Variants in TMEM87B observed in about 807,000 individuals in gnomAD.
TMEM87B encodes the protein transmembrane protein 87B.
In TMEM87B, 83 loss-of-function variants were observed where a neutral mutation model predicts 80.3. The ratio of observed to expected loss-of-function variants is 1.03; its 90% CI spans 0.87 to 1.24. The LOEUF (loss-of-function observed/expected upper bound fraction) is 1.24, where lower values mean the gene tolerates loss of function less well. Ranked by LOEUF, TMEM87B falls within the 50% of genes most tolerant of loss-of-function variation. TMEM87B has a pLI of 0.00. For missense variants in TMEM87B, 625 were observed against 674.4 expected, an observed-to-expected ratio of 0.93 and a Z score of 0.81; for synonymous variants, 219 against 230.5, an observed-to-expected ratio of 0.95 and a Z score of 0.45.
At position 112,100,111 on chromosome 2, in the gene TMEM87B, G is replaced by A. The variant is rs140307097; in HGVS notation, c.1377-511G>A. 3.5e-3 allele frequency among the ~76,000 whole-genome samples: 538 copies of A among 152,220 alleles called. 2 individuals carry two copies. The highest frequency in any genetic ancestry group is 0.013 in the African/African-American group (521 of 41,534). Reference sequence around the variant, plus strand: ...ACATCATCTTGGCAAACTTTTGTTAGTGTAATGTAAGGTAAATGAATTTTT... The same window carrying A: ...ACATCATCTTGGCAAACTTTTGTTAATGTAATGTAAGGTAAATGAATTTTT... On this transcript the variant is annotated intron_variant, in intron 14 of 18. Transcript: ENST00000283206.
At chr2:112,076,180 AG>A (rs1678807599) in intron 5 of TMEM87B, among the ~76,000 whole-genome samples, 1 of 152,126 alleles carries the variant, frequency 6.6e-6, no homozygotes, top group South Asian at 2.1e-4. Flanking sequence ...TGAACCCAGG[AG>A]GCTGAGGTTG....
chr2:112,082,213 A>T (rs1291998857), intron 8 of TMEM87B, among the ~76,000 whole-genome samples: 1 of 152,182 alleles, frequency 6.6e-6, no homozygotes, highest in Non-Finnish European at 1.5e-5. Context: ...CTTCTGAGTG[A>T]CCAGTTACAA....
At chr2:112,112,862 TAAC>T in intron 17 of TMEM87B, 34 bp from the exon 18 acceptor site, 3 of 1,606,608 alleles carry the variant, frequency 1.9e-6, no homozygotes, top group Admixed American at 1.7e-5. Flanking sequence ...GCCTTACTGT[TAAC>T]AACATTATCA....
At chr2:112,089,839 T>C (rs1328541739) in intron 10 of TMEM87B, 121 bp downstream of exon 10, 5 of 866,390 alleles carry the variant, frequency 5.8e-6, no homozygotes, top group Non-Finnish European at 9.3e-6. Context: ...TTTGAACTTT[T>C]CTTCTATGGG....
intron 3 of TMEM87B, among the ~76,000 whole-genome samples, chr2:112,066,309 G>A (rs1011741765): frequency 7.2e-5 from 11 of 152,088 alleles, no homozygotes; most frequent in Admixed American, 1.3e-4. Flanking sequence ...TCATCAGGTC[G>A]GACTTGTTGA....
intron 8 of TMEM87B, 91 bp from the exon 9 acceptor site, chr2:112,085,914 G>A: frequency 1.0e-6 from 1 of 967,308 alleles, no homozygotes; most frequent in Non-Finnish European, 1.5e-6. Flanking sequence ...AAGTTCGAAT[G>A]TAGTTATACA....
intron 14 of TMEM87B, among the ~76,000 whole-genome samples, chr2:112,099,205 A>G (rs1195662677): frequency 1.3e-5 from 2 of 152,168 alleles, no homozygotes; most frequent in Non-Finnish European, 2.9e-5. Context: ...CCCCAAGGAG[A>G]GAACTTAAGT....
chr2:112,058,017 G>A (rs1573674293), intron 1 of TMEM87B, among the ~76,000 whole-genome samples: 1 of 152,124 alleles, frequency 6.6e-6, no homozygotes. Context: ...AGTACAGGCA[G>A]GGTTTTTCCA....
chr2:112,079,212 A>G (rs891896207), intron 6 of TMEM87B, among the ~76,000 whole-genome samples: 5 of 152,206 alleles, frequency 3.3e-5, no homozygotes, highest in Admixed American at 3.3e-4. Flanking sequence ...TCAAAAAAAG[A>G]AAAAACTTAC....
At chr2:112,078,832 A>G (rs1467932401) in intron 6 of TMEM87B, among the ~76,000 whole-genome samples, 2 of 152,162 alleles carry the variant, frequency 1.3e-5, no homozygotes, top group East Asian at 1.9e-4. Flanking sequence ...CAAGGAAGAT[A>G]AGGTCCCGGT....
At chr2:112,058,466 T>C (rs1216389545) in intron 1 of TMEM87B, among the ~76,000 whole-genome samples, 2 of 152,250 alleles carry the variant, frequency 1.3e-5, no homozygotes, top group Non-Finnish European at 2.9e-5. Context: ...TTACTCTGCA[T>C]ACATTCTAGC....
chr2:112,077,077 A>G, intron 5 of TMEM87B, 115 bp from the exon 6 acceptor site: 1 of 510,090 alleles, frequency 2.0e-6, no homozygotes, highest in Non-Finnish European at 3.4e-6. Context: ...AAAAAATAGA[A>G]AAATTTAAAA....
chr2:112,061,752 C>T (rs147944342), intron 2 of TMEM87B, among the ~76,000 whole-genome samples: 3 of 152,248 alleles, frequency 2.0e-5, no homozygotes, highest in African/African-American at 4.8e-5. Flanking sequence ...ACAATCAAGA[C>T]GTTGTTATTA....
At chr2:112,099,882 CAAAAAA>C (rs57117477) in intron 14 of TMEM87B, among the ~76,000 whole-genome samples, 1 of 67,956 alleles carries the variant, frequency 1.5e-5, no homozygotes, top group African/African-American at 4.6e-5. Context: ...GACCCTGTCT[CAAAAAA>C]AAAAAAAAAA....
chr2:112,072,467 G>A (rs1255283772), intron 4 of TMEM87B, among the ~76,000 whole-genome samples: 2 of 152,138 alleles, frequency 1.3e-5, no homozygotes, highest in Non-Finnish European at 2.9e-5. Context: ...GGTCTGTTCA[G>A]GGAATCAGTT....
intron 3 of TMEM87B, among the ~76,000 whole-genome samples, chr2:112,066,410 A>C (rs1274746528): frequency 1.3e-5 from 2 of 152,156 alleles, no homozygotes; most frequent in Non-Finnish European, 2.9e-5. Context: ...AGCCAACTCC[A>C]CTTTTTTTGA....
At chr2:112,102,160 A>G (rs1460206391) in intron 15 of TMEM87B, among the ~76,000 whole-genome samples, 1 of 152,248 alleles carries the variant, frequency 6.6e-6, no homozygotes, top group African/African-American at 2.4e-5. Flanking sequence ...AAAGGCCAGT[A>G]CAATTGAAAT....
chr2:112,099,553 T>TAC (rs1006823676), intron 14 of TMEM87B, among the ~76,000 whole-genome samples: 5 of 74,108 alleles, frequency 6.7e-5, no homozygotes, highest in African/African-American at 3.0e-4. Context: ...TATATATATA[T>TAC]ATACACACAC....
rs1444145977 is a variant in TMEM87B, at chr2:112,066,961, G to A, written c.344G>A (p.Ser115Asn). ...GAGCTGTTCCAAAAACATAAACTTA[G>A]TGTTGATGAAGACTTTTGTCATTAT... Reference protein sequence around the residue: ...LEELFQKHKLSVDEDFCHYLK... With the variant: ...LEELFQKHKLNVDEDFCHYLK... The change falls in exon 4 of 19, where the codon AGT becomes AAT. Residue 115 changes from serine to asparagine, a missense_variant. Transcript: ENST00000283206. 1.2e-6 allele frequency: 2 copies of A among 1,608,908 alleles called. No homozygotes were observed. Among genetic ancestry groups the A allele is most frequent in the Admixed American group, 3.4e-5 (2 of 58,788 alleles).
Sources: allele counts gnomAD v4.1 joint callset (sites outside exome capture counted in the v4.1 genomes callset), GRCh38; gene constraint gnomAD v4.1.1; transcripts MANE v1.5; gene names NCBI Gene and HGNC (gene_info 2026-07-23, HGNC 2026-07-21).